NDST3: variants seen among roughly 807,000 people sequenced by gnomAD.
NDST3 encodes the protein N-deacetylase and N-sulfotransferase 3.
Under a neutral mutation model 96.1 loss-of-function variants are expected in NDST3, and 58 were observed. The ratio of observed to expected loss-of-function variants is 0.60; its 90% CI spans 0.49 to 0.75. The LOEUF (loss-of-function observed/expected upper bound fraction) is 0.75. NDST3 is among the 30% of genes least tolerant of loss of function. The probability of loss-of-function intolerance (pLI) is 0.00; values close to 1 mark genes in which losing one functional copy is unlikely to be tolerated. For synonymous variants in NDST3, 333 were observed against 359.7 expected (o/e 0.93, Z 0.84); for missense variants, 788 against 1,034.2 (o/e 0.76, Z 3.27).
At chr4:118,137,274 A>G (rs150723795) in intron 4 of NDST3, among the ~76,000 whole-genome samples, 1 of 152,330 alleles carries the variant, frequency 6.6e-6, no homozygotes, top group Non-Finnish European at 1.5e-5. Flanking sequence ...ATACCTGTCA[A>G]CTACTGAAGC....
chr4:118,104,675 A>G (rs994541479), intron 2 of NDST3, among the ~76,000 whole-genome samples: 7 of 152,150 alleles, frequency 4.6e-5, no homozygotes, highest in Non-Finnish European at 2.9e-5. Flanking sequence ...TCTTTTGGCA[A>G]TTGGTGATCT....
chr4:118,244,669 A>G (rs1023405694), intron 12 of NDST3, among the ~76,000 whole-genome samples: 1 of 152,184 alleles, frequency 6.6e-6, no homozygotes, highest in African/African-American at 2.4e-5. Flanking sequence ...AATTTAAGAT[A>G]TCTCTAAACT....
chr4:118,159,986 T>C (rs576158763), intron 6 of NDST3, among the ~76,000 whole-genome samples: 1 of 152,162 alleles, frequency 6.6e-6, no homozygotes, highest in Non-Finnish European at 1.5e-5. Flanking sequence ...GAGAGAACAA[T>C]GCAGAAAGCT....
At chr4:118,070,737 T>C (rs1235923121) in intron 2 of NDST3, among the ~76,000 whole-genome samples, 1 of 151,734 alleles carries the variant, frequency 6.6e-6, no homozygotes, top group Non-Finnish European at 1.5e-5. Flanking sequence ...CATGATGCTG[T>C]GCTGCACCCA....
At chr4:118,157,526 G>A (rs1022992834) in intron 6 of NDST3, among the ~76,000 whole-genome samples, 21 of 151,368 alleles carry the variant, frequency 1.4e-4, no homozygotes, top group African/African-American at 3.6e-4. Context: ...AGGTAGCAGC[G>A]ATTCTCCTGC....
intron 2 of NDST3, among the ~76,000 whole-genome samples, chr4:118,096,712 C>T (rs1172002021): frequency 8.4e-4 from 115 of 136,908 alleles, no homozygotes; most frequent in African/African-American, 2.8e-3. Flanking sequence ...GATAGATAGA[C>T]AGTTAGGCAG....
At chr4:118,151,949 G>A (rs988520639) in intron 6 of NDST3, among the ~76,000 whole-genome samples, 6 of 152,018 alleles carry the variant, frequency 3.9e-5, no homozygotes, top group Admixed American at 3.9e-4. Flanking sequence ...TCATAATTGT[G>A]GGTTGTATTA....
chr4:118,059,799 A>G (rs1480006863), intron 2 of NDST3, among the ~76,000 whole-genome samples: 1 of 152,154 alleles, frequency 6.6e-6, no homozygotes, highest in Non-Finnish European at 1.5e-5. Context: ...TTCACTATTC[A>G]TGTGCTCTGT....
At chr4:118,208,506 A>G (rs1578816184) in intron 6 of NDST3, among the ~76,000 whole-genome samples, 1 of 144,208 alleles carries the variant, frequency 6.9e-6, no homozygotes, top group East Asian at 2.0e-4. Context: ...TGGGAAAACT[A>G]CTTCACTGAG....
At chr4:118,160,141 A>C (rs1185448292) in intron 6 of NDST3, among the ~76,000 whole-genome samples, 3 of 152,190 alleles carry the variant, frequency 2.0e-5, no homozygotes, top group Non-Finnish European at 4.4e-5. Context: ...CAAAATTCAA[A>C]GGATGTTAAA....
At chr4:118,227,674 T>G (rs1488595195) in intron 8 of NDST3, among the ~76,000 whole-genome samples, 2 of 148,192 alleles carry the variant, frequency 1.3e-5, no homozygotes, top group African/African-American at 5.0e-5. Flanking sequence ...TGCAGTGGCA[T>G]GATCTCAGCT....
At chr4:118,080,231 C>T (rs1056171028) in intron 2 of NDST3, among the ~76,000 whole-genome samples, 5 of 152,054 alleles carry the variant, frequency 3.3e-5, no homozygotes, top group South Asian at 2.1e-4. Context: ...GAATTCTCTT[C>T]TACAGTTGCT....
At position 118,046,675 on chromosome 4, in the gene NDST3, A is replaced by ACTT. The variant is rs1218623604; in HGVS notation, c.-155-7081_-155-7080insCTT. On this transcript the variant is annotated intron_variant, in intron 1 of 13. Transcript: ENST00000296499. ...CCAGAATCCAACTCCAAGTACCTGA[A>ACTT]GGATGGAGCCCCAATTCCATCCAAG... 1.1e-4 allele frequency among the ~76,000 whole-genome samples: 16 copies of ACTT among 152,258 alleles called. No individual in the cohort carries two copies. In the East Asian group the frequency reaches 3.1e-3, roughly 30 times the overall value.
chr4:118,244,132 T>C (rs1741166056), intron 12 of NDST3, among the ~76,000 whole-genome samples: 2 of 152,186 alleles, frequency 1.3e-5, no homozygotes, highest in South Asian at 4.1e-4. Flanking sequence ...TATTTTCTTG[T>C]CAATCATCAA....
At chr4:118,133,134 T>C (rs912890055) in intron 4 of NDST3, among the ~76,000 whole-genome samples, 15 of 152,176 alleles carry the variant, frequency 9.9e-5, no homozygotes, top group Middle Eastern at 3.2e-3. Flanking sequence ...CACTAGGAGT[T>C]GCCTAGGAAT....
At chr4:118,038,393 G>A (rs1724264957) in intron 1 of NDST3, among the ~76,000 whole-genome samples, 1 of 152,110 alleles carries the variant, frequency 6.6e-6, no homozygotes, top group Non-Finnish European at 1.5e-5. Flanking sequence ...AAGATGGAGG[G>A]AGAATGATAA....
intron 6 of NDST3, among the ~76,000 whole-genome samples, chr4:118,149,661 A>C (rs1364013873): frequency 6.6e-6 from 1 of 150,986 alleles, no homozygotes; most frequent in Non-Finnish European, 1.5e-5. Flanking sequence ...TTGGGCTGAG[A>C]CAATGGGGTT....
intron 2 of NDST3, among the ~76,000 whole-genome samples, chr4:118,075,088 TC>T (rs975010712): frequency 7.9e-5 from 12 of 151,990 alleles, no homozygotes; most frequent in African/African-American, 2.9e-4. Flanking sequence ...TGTGTGATGT[TC>T]CCCGCCCTGT....
intron 1 of NDST3, among the ~76,000 whole-genome samples, chr4:118,047,240 C>G (rs1184999617): frequency 6.6e-6 from 1 of 152,192 alleles, no homozygotes; most frequent in Non-Finnish European, 1.5e-5. Context: ...TGAAAACATC[C>G]AGAAACAAAT....
Sources: gnomAD v4.1 joint callset for allele counts (sites outside exome capture counted in the v4.1 genomes callset) on GRCh38, gnomAD v4.1.1 for gene constraint, MANE v1.5 for transcripts, NCBI Gene and HGNC (gene_info 2026-07-23, HGNC 2026-07-21) for gene names.